The following DSCAML1 variants were observed in gnomAD, a reference collection of about 807,000 sequenced individuals.
DSCAML1 encodes the protein cell adhesion molecule DSCAML1.
In DSCAML1, 38 loss-of-function variants were observed where a neutral mutation model predicts 200.5. The ratio of observed to expected loss-of-function variants is 0.19; its 90% CI spans 0.15 to 0.25. The LOEUF (loss-of-function observed/expected upper bound fraction) is 0.25. DSCAML1 is among the 10% of genes least tolerant of loss of function. The probability of loss-of-function intolerance (pLI) is 1.00; values close to 1 mark genes in which losing one functional copy is unlikely to be tolerated. For missense variants in DSCAML1, 2,223 were observed against 2,858.8 expected, an observed-to-expected ratio of 0.78 and a Z score of 5.07; for synonymous variants, 1,215 against 1,165.0, an observed-to-expected ratio of 1.04 and a Z score of -0.87.
intron 3 of DSCAML1, among the ~76,000 whole-genome samples, chr11:117,730,108 A>G (rs1243555829): frequency 2.0e-5 from 3 of 152,190 alleles, no homozygotes; most frequent in African/African-American, 7.2e-5. Context: ...TGGAGGCAGG[A>G]GAATCGTTTG....
At chr11:117,627,667 C>T (rs1227337531) in intron 3 of DSCAML1, among the ~76,000 whole-genome samples, 1 of 152,080 alleles carries the variant, frequency 6.6e-6, no homozygotes, top group African/African-American at 2.4e-5. Flanking sequence ...TTCGGGAACT[C>T]CTGCGCCAGG....
At chr11:117,608,445 T>TTA (rs2051618708) in intron 3 of DSCAML1, among the ~76,000 whole-genome samples, 1 of 152,202 alleles carries the variant, frequency 6.6e-6, no homozygotes, top group African/African-American at 2.4e-5. Flanking sequence ...TTTTCTCTTT[T>TTA]TATATGTGTA....
At chr11:117,720,328 G>A (rs1169734213) in intron 3 of DSCAML1, among the ~76,000 whole-genome samples, 1 of 152,206 alleles carries the variant, frequency 6.6e-6, no homozygotes, top group Non-Finnish European at 1.5e-5. Context: ...CATAAAGAGT[G>A]CACACGCCCT....
At position 117,504,179 on chromosome 11, in the gene DSCAML1, G is replaced by A. The variant is rs2049448488; in HGVS notation, c.2183-158C>T. Among the ~76,000 whole-genome samples, 1 of 152,208 alleles carries A rather than the reference G, an allele frequency of 6.6e-6. No individual in the cohort carries two copies. Among genetic ancestry groups the A allele is most frequent in the African/African-American group, 2.4e-5 (1 of 41,458 alleles). ...GTGCTGAGGCCACATGGCTCCTGGT[G>A]GGCAACAGGAAAGACCCCCCCACCA... is the stretch of plus-strand genomic sequence containing the variant. On this transcript the variant is annotated intron_variant, in intron 10 of 32. Transcript: ENST00000651296. This position sits in a 1 kb window ranked among gnomAD's most constrained non-coding sequence, Gnocchi z 5.0.
chr11:117,697,153 T>C (rs566595551), intron 3 of DSCAML1, among the ~76,000 whole-genome samples: 1 of 152,334 alleles, frequency 6.6e-6, no homozygotes, highest in African/African-American at 2.4e-5. Flanking sequence ...TCACACAGCA[T>C]TGAGTCAGCA....
chr11:117,510,540 C>T (rs376253400), intron 8 of DSCAML1, among the ~76,000 whole-genome samples: 4 of 152,220 alleles, frequency 2.6e-5, no homozygotes, highest in South Asian at 2.1e-4. Flanking sequence ...CATCCCAGAT[C>T]GCCTTATTTG....
At chr11:117,699,006 G>A (rs139993535) in intron 3 of DSCAML1, among the ~76,000 whole-genome samples, 18 of 152,346 alleles carry the variant, frequency 1.2e-4, no homozygotes, top group African/African-American at 3.8e-4. Flanking sequence ...TTACCCGGAA[G>A]AGGTAATTCA....
At chr11:117,778,147 A>G (rs907838488) in intron 2 of DSCAML1, among the ~76,000 whole-genome samples, 1 of 152,144 alleles carries the variant, frequency 6.6e-6, no homozygotes, top group African/African-American at 2.4e-5. Context: ...CTCGGCCTTT[A>G]TTCTTTCCCC....
intron 3 of DSCAML1, among the ~76,000 whole-genome samples, chr11:117,678,090 T>C (rs1767086646): frequency 1.3e-5 from 2 of 152,188 alleles, no homozygotes; most frequent in Admixed American, 6.5e-5. Context: ...TAACTCACAA[T>C]ATCTTCCATG....
intron 3 of DSCAML1, among the ~76,000 whole-genome samples, chr11:117,709,466 T>C (rs893004196): frequency 1.3e-5 from 2 of 152,172 alleles, no homozygotes; most frequent in Non-Finnish European, 2.9e-5. Flanking sequence ...TCATTTAACC[T>C]TAAGTACTTC....
At chr11:117,434,018 T>C (rs1321057661) in intron 27 of DSCAML1, among the ~76,000 whole-genome samples, 2 of 152,170 alleles carry the variant, frequency 1.3e-5, no homozygotes, top group Non-Finnish European at 2.9e-5. Flanking sequence ...TTGAATAAGA[T>C]CAGGACTCTC....
intron 3 of DSCAML1, among the ~76,000 whole-genome samples, chr11:117,658,516 T>C (rs556681915): frequency 1.1e-4 from 16 of 152,260 alleles, no homozygotes; most frequent in Middle Eastern, 3.4e-3. Flanking sequence ...AGACCTGAGA[T>C]TGGCTGAGAT....
intron 3 of DSCAML1, among the ~76,000 whole-genome samples, chr11:117,693,115 A>G (rs1384151966): frequency 1.3e-5 from 2 of 152,206 alleles, no homozygotes; most frequent in Non-Finnish European, 2.9e-5. Flanking sequence ...ACTTTAATTC[A>G]GCTCAAGAAA....
intron 3 of DSCAML1, among the ~76,000 whole-genome samples, chr11:117,577,496 TC>T (rs1164276245): frequency 1.2e-4 from 2 of 16,572 alleles, no homozygotes; most frequent in Non-Finnish European, 4.1e-4. Flanking sequence ...CTTCCTTCCT[TC>T]CTTCCTTCCC....
rs371676414 is a variant in DSCAML1 at position 117,512,799 on chromosome 11, A to ACCCC, written c.1783+3667_1783+3668insGGGG. On this transcript the variant is annotated intron_variant, in intron 8 of 32. Transcript: ENST00000651296. Reference sequence around the variant, plus strand: ...CACACACACACACACACACACACACACACCCCTCCCCTTCCCCCCACTTCC... The same window carrying ACCCC: ...CACACACACACACACACACACACACACCCCCACCCCTCCCCTTCCCCCCACTTCC... Among the ~76,000 whole-genome samples the ACCCC allele has an allele frequency of 4.6e-4, 63 of 137,600 alleles. 1 individual carries two copies. Among genetic ancestry groups the ACCCC allele is most frequent in the Non-Finnish European group, 7.2e-4 (46 of 64,084 alleles). 90.3% of individuals were successfully genotyped at this position (137,600 alleles called of 152,430 possible). A position where few individuals can be genotyped will look rare whatever the true frequency, so the allele number is the denominator to read the frequency against.
At chr11:117,810,265 CAG>C (rs1218049824) in intron 1 of DSCAML1, among the ~76,000 whole-genome samples, 37 of 152,262 alleles carry the variant, frequency 2.4e-4, no homozygotes, top group Middle Eastern at 3.4e-3. Flanking sequence ...CTCAAAACTC[CAG>C]CGCCCTCTGG....
rs926118926 is a variant in DSCAML1, at chr11:117,477,369, T to A, written c.2785+3074A>T. On this transcript the variant is annotated intron_variant, in intron 14 of 32. Transcript: ENST00000651296. ...CTGAAAGTGTGTGTGTGTGTGTGTG[T>A]GTGTGTGTGTGTGTGTGTGTGTATG... Among the ~76,000 whole-genome samples the A allele has an allele frequency of 3.3e-3, 489 of 147,104 alleles. 8 individuals are homozygous for A. The highest frequency in any genetic ancestry group is 0.012 in the African/African-American group (451 of 37,550).
chr11:117,746,511 G>A (rs937722673), intron 3 of DSCAML1, among the ~76,000 whole-genome samples: 1 of 152,110 alleles, frequency 6.6e-6, no homozygotes, highest in African/African-American at 2.4e-5. Context: ...CTGGGGAAGT[G>A]CTTGAAGCCC....
At chr11:117,478,623 A>C (rs1565721627) in intron 14 of DSCAML1, among the ~76,000 whole-genome samples, 1 of 152,160 alleles carries the variant, frequency 6.6e-6, no homozygotes, top group Non-Finnish European at 1.5e-5. Flanking sequence ...AGCAAAGTGA[A>C]AGCTCAGCCC....
Sources: gnomAD v4.1 joint callset for allele counts (sites outside exome capture counted in the v4.1 genomes callset) on GRCh38, gnomAD v4.1.1 for gene constraint, Gnocchi (gnomAD v3.1) non-coding constraint, MANE v1.5 for transcripts, NCBI Gene and HGNC (gene_info 2026-07-23, HGNC 2026-07-21) for gene names.